PCDH9: variants seen among roughly 807,000 people sequenced by gnomAD.
PCDH9 encodes protocadherin-9.
In PCDH9, 24 loss-of-function variants were observed where a neutral mutation model predicts 70.6. The observed-to-expected ratio is 0.34, with a 90% CI of 0.25 to 0.48. PCDH9 has a LOEUF of 0.48. PCDH9 is among the 20% of genes least tolerant of loss of function. The pLI is 0.99. For missense variants in PCDH9, 1,281 were observed against 1,503.6 expected (o/e 0.85, Z 2.45); for synonymous variants, 562 against 558.5 (o/e 1.01, Z -0.09).
At chr13:66,445,309 T>A (rs1395900939) in intron 4 of PCDH9, among the ~76,000 whole-genome samples, 6 of 147,536 alleles carry the variant, frequency 4.1e-5, no homozygotes, top group Non-Finnish European at 6.0e-5. Context: ...CTCTTCTGAT[T>A]CCTATTTTTT....
chr13:66,870,265 C>A (rs965553808), intron 3 of PCDH9, among the ~76,000 whole-genome samples: 34 of 152,098 alleles, frequency 2.2e-4, no homozygotes, highest in Non-Finnish European at 4.7e-4. Context: ...GGGCTCTGTT[C>A]TGTTCCATTG....
chr13:66,843,048 G>A (rs2081142905), intron 3 of PCDH9, among the ~76,000 whole-genome samples: 1 of 152,192 alleles, frequency 6.6e-6, no homozygotes. Flanking sequence ...CTGACTGAAG[G>A]AAGAAAATCA....
intron 4 of PCDH9, among the ~76,000 whole-genome samples, chr13:66,354,745 A>C (rs1274338425): frequency 6.6e-6 from 1 of 152,108 alleles, no homozygotes; most frequent in African/African-American, 2.4e-5. Flanking sequence ...TCTTTTCACC[A>C]ACGTTAGAGC....
chr13:66,553,614 G>A (rs1026318943), intron 4 of PCDH9, among the ~76,000 whole-genome samples: 1 of 152,108 alleles, frequency 6.6e-6, no homozygotes, highest in Non-Finnish European at 1.5e-5. Context: ...CAACAGAAAT[G>A]TGATTTGAGT....
At chr13:67,179,294 G>T (rs1416156078) in intron 2 of PCDH9, among the ~76,000 whole-genome samples, 1 of 152,048 alleles carries the variant, frequency 6.6e-6, no homozygotes. Flanking sequence ...CAGACCCAAA[G>T]TTCCATGTAG....
intron 2 of PCDH9, among the ~76,000 whole-genome samples, chr13:66,943,755 A>C (rs1234167674): frequency 6.6e-6 from 1 of 152,094 alleles, no homozygotes; most frequent in Non-Finnish European, 1.5e-5. Flanking sequence ...TAGGAATATG[A>C]GAAAACTTCA....
intron 3 of PCDH9, among the ~76,000 whole-genome samples, chr13:66,864,657 C>T (rs1205523849): frequency 6.6e-6 from 1 of 152,100 alleles, no homozygotes; most frequent in African/African-American, 2.4e-5. Flanking sequence ...TTTTTCCTGC[C>T]CCCAAAATTT....
chr13:67,174,314 GATAC>G (rs75349589), intron 2 of PCDH9, among the ~76,000 whole-genome samples: 58 of 149,488 alleles, frequency 3.9e-4, no homozygotes, highest in South Asian at 4.2e-4. Context: ...TAGATAGATA[GATAC>G]ATACATACAT....
At chr13:67,140,030 C>CA (rs1414107591) in intron 2 of PCDH9, among the ~76,000 whole-genome samples, 3 of 111,662 alleles carry the variant, frequency 2.7e-5, no homozygotes, top group Non-Finnish European at 5.4e-5. Context: ...TGATCACCCC[C>CA]CCCCCCCCGC....
At chr13:66,566,449 A>T (rs1348734923) in intron 4 of PCDH9, among the ~76,000 whole-genome samples, 1 of 152,262 alleles carries the variant, frequency 6.6e-6, no homozygotes, top group Admixed American at 6.5e-5. Context: ...TGTTTTCTAT[A>T]TATATATGTG....
chr13:67,175,920 C>T (rs1001020433), intron 2 of PCDH9, among the ~76,000 whole-genome samples: 3 of 150,950 alleles, frequency 2.0e-5, no homozygotes, highest in African/African-American at 7.3e-5. Flanking sequence ...CCAGACTGTT[C>T]TAACAACACA....
At chr13:66,591,836 A>G (rs2077043157) in intron 4 of PCDH9, among the ~76,000 whole-genome samples, 1 of 151,694 alleles carries the variant, frequency 6.6e-6, no homozygotes. Flanking sequence ...GGAAAACAAG[A>G]TGATAAAATA....
At chr13:66,851,169 T>TA (rs1046103394) in intron 3 of PCDH9, among the ~76,000 whole-genome samples, 2 of 152,198 alleles carry the variant, frequency 1.3e-5, no homozygotes, top group African/African-American at 4.8e-5. Context: ...ATGCTGCCCT[T>TA]AGACAATTTT....
intron 4 of PCDH9, among the ~76,000 whole-genome samples, chr13:66,358,633 C>T (rs1216867962): frequency 2.0e-5 from 3 of 151,688 alleles, no homozygotes; most frequent in Non-Finnish European, 4.4e-5. Flanking sequence ...AAACAGTTGG[C>T]AACTGGATTT....
intron 4 of PCDH9, among the ~76,000 whole-genome samples, chr13:66,570,477 T>G (rs1312426152): frequency 6.6e-6 from 1 of 152,186 alleles, no homozygotes; most frequent in Non-Finnish European, 1.5e-5. Context: ...TTTATCAATG[T>G]CAATATCCTG....
At chr13:67,036,937 T>C (rs1307453521) in intron 2 of PCDH9, among the ~76,000 whole-genome samples, 1 of 152,170 alleles carries the variant, frequency 6.6e-6, no homozygotes, top group Non-Finnish European at 1.5e-5. Context: ...GCAGCAGTTG[T>C]CCGGATGAAA....
intron 3 of PCDH9, among the ~76,000 whole-genome samples, chr13:66,692,823 A>G (rs566021830): frequency 1.3e-5 from 2 of 152,238 alleles, no homozygotes; most frequent in Admixed American, 1.3e-4. Flanking sequence ...GAATGGAATT[A>G]TATACGAATC....
intron 2 of PCDH9, among the ~76,000 whole-genome samples, chr13:67,046,441 T>C (rs2085223313): frequency 6.6e-6 from 1 of 152,068 alleles, no homozygotes; most frequent in Admixed American, 6.6e-5. Flanking sequence ...CAAATGCAAA[T>C]ATAAAAATAT....
chr13:66,782,883 A>G (rs2139302104), intron 3 of PCDH9: 1 of 152,340 alleles, frequency 6.6e-6, no homozygotes, highest in South Asian at 2.1e-4. Context: ...TAATGTTTCT[A>G]AATTAATGAC....
Sources: allele counts gnomAD v4.1 joint callset (sites outside exome capture counted in the v4.1 genomes callset), GRCh38; gene constraint gnomAD v4.1.1; transcripts MANE v1.5; gene names NCBI Gene and HGNC (gene_info 2026-07-23, HGNC 2026-07-21).